The following NFAT5 variants were observed in gnomAD, a reference collection of about 807,000 sequenced individuals.
NFAT5 encodes the protein nuclear factor of activated T cells 5.
NFAT5 carries 31 observed loss-of-function variants against 166.5 expected under a neutral mutation model. The observed-to-expected ratio is 0.19, with a 90% CI of 0.14 to 0.25. NFAT5 has a LOEUF of 0.25. NFAT5 is among the 10% of genes least tolerant of loss of function. NFAT5 has a pLI of 1.00. For synonymous variants in NFAT5, 612 were observed against 639.7 expected (o/e 0.96, Z 0.65); for missense variants, 1,449 against 1,821.8 (o/e 0.80, Z 3.72).
At chr16:69,636,716 C>T (rs1009740990) in intron 3 of NFAT5, among the ~76,000 whole-genome samples, 2 of 152,198 alleles carry the variant, frequency 1.3e-5, no homozygotes, top group Non-Finnish European at 2.9e-5. Flanking sequence ...CACAGGGCAC[C>T]AAGTCCCTAG....
chr16:69,690,920 T>C lies in NFAT5; in HGVS notation c.1775-20T>C, dbSNP rs200979203. The C allele has an allele frequency of 5.5e-5, 80 of 1,453,252 alleles. No homozygotes were observed. The African/African-American group carries it at 1.1e-3, about 20-fold the overall frequency. 90.0% of individuals were successfully genotyped at this position (1,453,252 alleles called of 1,614,324 possible). On this transcript the variant is annotated intron_variant, in intron 11 of 14. Coordinates refer to ENST00000349945, the MANE Select transcript of NFAT5 (RefSeq NM_138713.4). ...ATTTTGTGATTTTAAACTTTTCTTT[T>C]TGTGTGTGTGTATATGCAGCAATGA...
In NFAT5 at chr16:69,566,475, C is replaced by T; in HGVS notation, c.73+101C>T. On this transcript the variant is annotated intron_variant, in intron 1 of 14. Coordinates refer to ENST00000349945, the MANE Select transcript of NFAT5 (RefSeq NM_138713.4). This position sits in a 1 kb window ranked among gnomAD's most constrained non-coding sequence, Gnocchi z 5.7. ...GGGGTCCCCGTCCCGCCGGGGGCGGCTGAGCCGCGACCCCCATGGCTTCTT... is the reference window on the plus strand; with the variant it reads ...GGGGTCCCCGTCCCGCCGGGGGCGGTTGAGCCGCGACCCCCATGGCTTCTT... 9.8e-7 allele frequency: 1 copy of T among 1,022,088 alleles called. No individual in the cohort carries two copies. The highest frequency in any genetic ancestry group is 1.4e-5 in the South Asian group (1 of 73,148). The allele number at this position is 1,022,088 out of a possible 1,614,324, so 63.3% of individuals were successfully genotyped here.
In NFAT5 at chr16:69,669,981, G is replaced by A; in HGVS notation, c.1374G>A (p.Gln458=). The part of the protein sequence containing the change: ...QTPSSPILCT[Q]PAGVPEILKK... ...AATGCTTATGTATCTCCACAGCTCA[G>A]CCAGCAGGAGTGCCAGAAATCTTAA... Residue 458 remains glutamine, a synonymous_variant, in exon 8 of 15, where the codon CAG becomes CAA. Coordinates refer to ENST00000349945, the MANE Select transcript of NFAT5 (RefSeq NM_138713.4). The A allele has an allele frequency of 6.3e-7, 1 of 1,596,978 alleles. No homozygotes were observed. Among genetic ancestry groups the A allele is most frequent in the Non-Finnish European group, 8.5e-7 (1 of 1,175,114 alleles).
At chr16:69,646,084 C>A (rs1468207604) in intron 3 of NFAT5, among the ~76,000 whole-genome samples, 3 of 152,166 alleles carry the variant, frequency 2.0e-5, no homozygotes, top group African/African-American at 7.2e-5. Context: ...ATTGTTCTTA[C>A]ATTGGAAAAT....
rs1217711187 is a variant in NFAT5, at chr16:69,566,920, C to T, written c.73+546C>T. Among the ~76,000 whole-genome samples the T allele has an allele frequency of 2.0e-5, 3 of 152,174 alleles. No homozygotes were observed. The highest frequency in any genetic ancestry group is 4.4e-5 in the Non-Finnish European group (3 of 68,012). On this transcript the variant is annotated intron_variant, in intron 1 of 14. Coordinates refer to ENST00000349945, the MANE Select transcript of NFAT5 (RefSeq NM_138713.4). This position sits in a 1 kb window ranked among gnomAD's most constrained non-coding sequence, Gnocchi z 5.7. The stretch of plus-strand genomic sequence containing the variant: ...CCCCCTCTCCCTCCGGCCTAGTCCA[C>T]TCCCTCCCCATGTTGGGACAGCCCC...
In NFAT5 at chr16:69,566,763, C is replaced by A. The variant is rs1597320581; in HGVS notation, c.73+389C>A. Among the ~76,000 whole-genome samples the A allele has an allele frequency of 6.6e-6, 1 of 152,138 alleles. No homozygotes were observed. On this transcript the variant is annotated intron_variant, in intron 1 of 14. Transcript: ENST00000349945. This position sits in a 1 kb window ranked among gnomAD's most constrained non-coding sequence, Gnocchi z 5.7. ...GCTGGGGCCACCGCGATCGGGGCGCCGCGTCTTCTCTTACCGGGACCCTCC... is the reference window on the plus strand; with the variant it reads ...GCTGGGGCCACCGCGATCGGGGCGCAGCGTCTTCTCTTACCGGGACCCTCC...
At chr16:69,633,605 C>G (rs1006073267) in intron 3 of NFAT5, among the ~76,000 whole-genome samples, 1 of 152,052 alleles carries the variant, frequency 6.6e-6, no homozygotes, top group African/African-American at 2.4e-5. Context: ...TGTTCTCACT[C>G]ATATGTGAAA....
chr16:69,656,431 T>C lies in NFAT5; in HGVS notation c.1196+632T>C, dbSNP rs527408368. Among the ~76,000 whole-genome samples the C allele has an allele frequency of 2.6e-5, 4 of 152,210 alleles. 1 individual carries two copies. The South Asian group carries it at 8.3e-4, about 32-fold the overall frequency. On this transcript the variant is annotated intron_variant, in intron 6 of 14. Coordinates refer to ENST00000349945, the MANE Select transcript of NFAT5 (RefSeq NM_138713.4). ...TTTGATTTGCTTTCCTGAATTCCAC[T>C]TTCTTAATGTTTGCTTTAAAAACTT...
At chr16:69,604,295 A>G (rs1395467547) in intron 2 of NFAT5, among the ~76,000 whole-genome samples, 1 of 152,174 alleles carries the variant, frequency 6.6e-6, no homozygotes, top group Admixed American at 6.5e-5. Context: ...AGGATCTAGC[A>G]CTGCTCTTGG....
chr16:69,684,555 G>T (rs2037208597), intron 10 of NFAT5, among the ~76,000 whole-genome samples: 1 of 151,678 alleles, frequency 6.6e-6, no homozygotes, highest in South Asian at 2.1e-4. Flanking sequence ...GCGAGACTCT[G>T]TCGCAAAAAA....
chr16:69,651,793 C>G (rs1307196604), intron 4 of NFAT5, among the ~76,000 whole-genome samples: 2 of 151,762 alleles, frequency 1.3e-5, no homozygotes, highest in Non-Finnish European at 2.9e-5. Context: ...GCCTCAGCCT[C>G]CCGAGTAGAT....
chr16:69,692,236 G>C lies in NFAT5; in HGVS notation c.2411G>C (p.Ser804Thr). ...QQLQAGSFTG[S>T]TASGSSGSVD... ...CTGCAAGCAGGGAGTTTCACAGGCAGTACTGCTAGTGGCAGCAGTGGAAGT... is the reference window on the plus strand; with the variant it reads ...CTGCAAGCAGGGAGTTTCACAGGCACTACTGCTAGTGGCAGCAGTGGAAGT... The change falls in exon 13 of 15, where the codon AGT (serine) becomes ACT (threonine). Residue 804 changes from serine to threonine, a missense_variant. Transcript: ENST00000349945. 1 of 1,614,192 alleles carries C rather than the reference G, an allele frequency of 6.2e-7. No homozygotes were observed. The highest frequency in any genetic ancestry group is 2.2e-5 in the East Asian group (1 of 44,892).
At chr16:69,638,255 CAAAA>C (rs966161450) in intron 3 of NFAT5, among the ~76,000 whole-genome samples, 17 of 151,818 alleles carry the variant, frequency 1.1e-4, no homozygotes, top group Middle Eastern at 6.8e-3. Flanking sequence ...AAACAAAAAA[CAAAA>C]AAACTTCTGG....
At chr16:69,633,680 A>G (rs1355962383) in intron 3 of NFAT5, among the ~76,000 whole-genome samples, 1 of 152,218 alleles carries the variant, frequency 6.6e-6, no homozygotes, top group East Asian at 1.9e-4. Flanking sequence ...GAGGCTGGGA[A>G]GGGTAGGAGG....
chr16:69,621,801 A>G (rs911410291), intron 2 of NFAT5, among the ~76,000 whole-genome samples: 7 of 152,068 alleles, frequency 4.6e-5, no homozygotes, highest in Non-Finnish European at 1.5e-5. Flanking sequence ...CTCTGTCTCT[A>G]CAAAAAGTTT....
At chr16:69,592,254 A>G (rs1390845946) in intron 2 of NFAT5, among the ~76,000 whole-genome samples, 1 of 151,632 alleles carries the variant, frequency 6.6e-6, no homozygotes, top group African/African-American at 2.4e-5. Context: ...TAATTTTTGT[A>G]TTTTTAGTAG....
intron 2 of NFAT5, among the ~76,000 whole-genome samples, chr16:69,581,068 G>A (rs543126311): frequency 2.0e-5 from 3 of 152,224 alleles, no homozygotes; most frequent in South Asian, 2.1e-4. Context: ...TTGAGACAGG[G>A]TCTCACTCTA....
chr16:69,609,021 T>C (rs1347018912), intron 2 of NFAT5, among the ~76,000 whole-genome samples: 1 of 150,916 alleles, frequency 6.6e-6, no homozygotes, highest in East Asian at 2.0e-4. Flanking sequence ...CTCGGGAGGC[T>C]GAGGCAGGAG....
At chr16:69,649,518 T>C (rs1214774435) in intron 4 of NFAT5, 35 of 984,434 alleles carry the variant, frequency 3.6e-5, no homozygotes, top group Non-Finnish European at 4.0e-5. Flanking sequence ...CATGAAATAA[T>C]TCATGGAGCA....
Sources: allele counts gnomAD v4.1 joint callset (sites outside exome capture counted in the v4.1 genomes callset), GRCh38; gene constraint gnomAD v4.1.1; non-coding constraint Gnocchi (gnomAD v3.1); transcripts MANE v1.5; gene names NCBI Gene and HGNC (gene_info 2026-07-23, HGNC 2026-07-21).